Variants in CSMD1 observed in about 807,000 individuals in gnomAD.
The protein encoded by CSMD1 is CUB and Sushi multiple domains 1.
In CSMD1, 213 loss-of-function variants were observed where a neutral mutation model predicts 417.5. The observed-to-expected ratio is 0.51, with a 90% confidence interval of 0.46 to 0.57. CSMD1 has a LOEUF of 0.57. CSMD1 is among the 20% of genes least tolerant of loss of function. The pLI, the probability that CSMD1 is intolerant of heterozygous loss-of-function variation, is 0.00. For synonymous variants in CSMD1, 2,862 were observed against 1,736.8 expected (o/e 1.65, Z -16.11); for missense variants, 6,923 against 4,529.7 (o/e 1.53, Z -15.17).
intron 10 of CSMD1, among the ~76,000 whole-genome samples, chr8:3,535,092 G>A (rs930216881): frequency 6.6e-6 from 1 of 151,830 alleles, no homozygotes; most frequent in East Asian, 1.9e-4. Flanking sequence ...GGACTACAGG[G>A]TGTACCAACA....
At chr8:3,837,424 C>A (rs191987014) in intron 5 of CSMD1, among the ~76,000 whole-genome samples, 1 of 152,162 alleles carries the variant, frequency 6.6e-6, no homozygotes, top group East Asian at 1.9e-4. Context: ...GGACTGCCTA[C>A]GTCACATATG....
intron 14 of CSMD1, among the ~76,000 whole-genome samples, chr8:3,407,273 A>T (rs1289924796): frequency 1.3e-5 from 2 of 151,998 alleles, no homozygotes; most frequent in Non-Finnish European, 2.9e-5. Context: ...ATGGATTGAT[A>T]GATGGATGGA....
intron 2 of CSMD1, among the ~76,000 whole-genome samples, chr8:4,450,662 T>C (rs926041226): frequency 6.6e-6 from 1 of 152,144 alleles, no homozygotes; most frequent in African/African-American, 2.4e-5. Flanking sequence ...TTTGATGCAG[T>C]ATCCACTGTC....
rs1015287879 is a variant in CSMD1, at chr8:3,771,281, C to T, written c.819-17239G>A. Among the ~76,000 whole-genome samples the T allele has an allele frequency of 9.9e-5, 15 of 152,264 alleles. No homozygotes were observed. In the East Asian group the frequency reaches 2.9e-3, roughly 29 times the overall value. On this transcript the variant is annotated intron_variant, in intron 5 of 69. Transcript: ENST00000635120. ...CTTGCTTTGAGGTTAGGTCCAGAGG[C>T]TGCACCTGCTGGTGCTTCTGGAAGC...
At chr8:3,611,927 C>G (rs184757294) in intron 8 of CSMD1, among the ~76,000 whole-genome samples, 3 of 151,996 alleles carry the variant, frequency 2.0e-5, no homozygotes, top group Non-Finnish European at 4.4e-5. Context: ...CAAATTGCAT[C>G]TAAAATTTAA....
intron 5 of CSMD1, among the ~76,000 whole-genome samples, chr8:3,965,948 G>A (rs1304266297): frequency 6.6e-6 from 1 of 152,188 alleles, no homozygotes; most frequent in African/African-American, 2.4e-5. Context: ...AATAAGAACT[G>A]TCAAGGTCTT....
intron 1 of CSMD1, among the ~76,000 whole-genome samples, chr8:4,955,775 GTTAGGT>G (rs879621606): frequency 0.47 from 70,638 of 151,674 alleles, 17,376 homozygotes; most frequent in East Asian, 0.78. Context: ...CAAACTGCAT[GTTAGGT>G]GGTGGCGTAA....
At chr8:4,775,910 G>C (rs1344462669) in intron 1 of CSMD1, among the ~76,000 whole-genome samples, 2 of 152,186 alleles carry the variant, frequency 1.3e-5, no homozygotes, top group East Asian at 1.9e-4. Context: ...GTTAGGGAGT[G>C]GCACGCCGCA....
intron 3 of CSMD1, among the ~76,000 whole-genome samples, chr8:4,108,304 T>C (rs545637966): frequency 6.6e-6 from 1 of 152,304 alleles, no homozygotes; most frequent in Non-Finnish European, 1.5e-5. Context: ...AGTAAACTCA[T>C]ATGACAATTG....
chr8:4,352,291 G>T (rs548159374), intron 3 of CSMD1, among the ~76,000 whole-genome samples: 1 of 152,140 alleles, frequency 6.6e-6, no homozygotes, highest in Non-Finnish European at 1.5e-5. Flanking sequence ...TCTTCCAGGT[G>T]ATTTAGAAAA....
chr8:3,212,896 C>A (rs1434622430), intron 30 of CSMD1, among the ~76,000 whole-genome samples: 1 of 145,804 alleles, frequency 6.9e-6, no homozygotes, highest in African/African-American at 2.6e-5. Context: ...ATGGCACAAT[C>A]TCAGCTTCCA....
chr8:3,865,655 A>G (rs553957513), intron 5 of CSMD1, among the ~76,000 whole-genome samples: 37 of 152,308 alleles, frequency 2.4e-4, no homozygotes, highest in African/African-American at 8.9e-4. Context: ...ATGAAATTCC[A>G]TCAGTCCTGT....
chr8:4,327,124 C>G (rs1274153619), intron 3 of CSMD1, among the ~76,000 whole-genome samples: 1 of 152,148 alleles, frequency 6.6e-6, no homozygotes, highest in African/African-American at 2.4e-5. Context: ...GCTGTAATAT[C>G]TGTTATCATT....
chr8:3,679,098 A>G (rs1288490979), intron 7 of CSMD1, among the ~76,000 whole-genome samples: 1 of 152,202 alleles, frequency 6.6e-6, no homozygotes, highest in African/African-American at 2.4e-5. Context: ...TGTAAAGACC[A>G]TCGAGGCTAG....
At chr8:3,944,037 G>C (rs541832104) in intron 5 of CSMD1, among the ~76,000 whole-genome samples, 1 of 152,048 alleles carries the variant, frequency 6.6e-6, no homozygotes, top group Non-Finnish European at 1.5e-5. Context: ...GGTTGTGAAA[G>C]AACATGTTCT....
chr8:3,092,821 A>G (rs1815035705), intron 47 of CSMD1, among the ~76,000 whole-genome samples: 1 of 152,130 alleles, frequency 6.6e-6, no homozygotes, highest in Non-Finnish European at 1.5e-5. Context: ...ATTATCTCAT[A>G]CTCGTAAAAG....
intron 22 of CSMD1, 59 bp from the exon 23 acceptor site, chr8:3,343,509 A>C (rs1585028187): frequency 1.4e-6 from 2 of 1,458,640 alleles, no homozygotes; most frequent in Non-Finnish European, 1.9e-6. Flanking sequence ...TATGTTAGCA[A>C]TGGTAATAAA....
intron 6 of CSMD1, among the ~76,000 whole-genome samples, chr8:3,747,416 A>AT (rs33946651): frequency 0.22 from 32,539 of 150,580 alleles, 3,904 homozygotes; most frequent in South Asian, 0.37. Context: ...TAGACACAGT[A>AT]TTTTTTTTTT....
intron 12 of CSMD1, among the ~76,000 whole-genome samples, chr8:3,454,870 T>A (rs1427815693): frequency 6.6e-6 from 1 of 152,336 alleles, no homozygotes; most frequent in East Asian, 1.9e-4. Flanking sequence ...CCTGGCTAGA[T>A]TGGGGAAGTT....
Sources: gnomAD v4.1 joint callset for allele counts (sites outside exome capture counted in the v4.1 genomes callset) on GRCh38, gnomAD v4.1.1 for gene constraint, MANE v1.5 for transcripts, NCBI Gene and HGNC (gene_info 2026-07-23, HGNC 2026-07-21) for gene names.